Variants in PRKN observed in about 807,000 individuals in gnomAD.
The protein encoded by PRKN is parkin RBR E3 ubiquitin protein ligase.
PRKN carries 56 observed loss-of-function variants against 59.5 expected under a neutral mutation model. That is an observed-to-expected ratio of 0.94 (90% confidence interval 0.76 to 1.18). PRKN has a LOEUF of 1.18. Among genes scored for constraint, PRKN ranks in the 50% most tolerant of loss-of-function variants. PRKN has a pLI of 0.00. For missense variants in PRKN, 657 were observed against 596.4 expected (o/e 1.10, Z -1.06); for synonymous variants, 250 against 222.1 (o/e 1.13, Z -1.12).
intron 6 of PRKN, among the ~76,000 whole-genome samples, chr6:161,893,992 G>C (rs1186857410): frequency 6.6e-6 from 1 of 152,110 alleles, no homozygotes; most frequent in Non-Finnish European, 1.5e-5. Context: ...GAAGTAAAAA[G>C]CCACATTCAT....
intron 2 of PRKN, among the ~76,000 whole-genome samples, chr6:162,330,430 G>A (rs570058908): frequency 6.6e-6 from 1 of 151,564 alleles, no homozygotes; most frequent in South Asian, 2.1e-4. Flanking sequence ...TTTTATAAAA[G>A]AAAGCAAACA....
At chr6:162,462,274 T>G (rs1791214047) in intron 1 of PRKN, among the ~76,000 whole-genome samples, 1 of 152,236 alleles carries the variant, frequency 6.6e-6, no homozygotes, top group South Asian at 2.1e-4. Context: ...CATGTTTATA[T>G]TTTGAATTGA....
In PRKN at chr6:161,611,466, C is replaced by T. The variant is rs542369086; in HGVS notation, c.872-42050G>A. Among the ~76,000 whole-genome samples, 7 of 152,322 alleles carry T rather than the reference C, an allele frequency of 4.6e-5. No individual in the cohort carries two copies. The South Asian group carries it at 1.5e-3, about 32-fold the overall frequency. The stretch of plus-strand genomic sequence containing the variant: ...CTCTGTCCATTTTTGGTAATTCTCA[C>T]ACTATTTCAAACTTTTTTGTCATCA... On this transcript the variant is annotated intron_variant, in intron 7 of 11. Transcript: ENST00000366898.
intron 5 of PRKN, among the ~76,000 whole-genome samples, chr6:161,988,666 A>G (rs1781529864): frequency 6.6e-6 from 1 of 152,150 alleles, no homozygotes; most frequent in Non-Finnish European, 1.5e-5. Context: ...TATTAATAAA[A>G]TGGAAATCAT....
In PRKN at chr6:161,371,733, G is replaced by C. The variant is rs558503893; in HGVS notation, c.1168-11528C>G. Among the ~76,000 whole-genome samples the C allele has an allele frequency of 2.0e-5, 3 of 152,218 alleles. No individual in the cohort carries two copies. In the South Asian group the frequency reaches 6.2e-4, roughly 32 times the overall value. On this transcript the variant is annotated intron_variant, in intron 10 of 11. Coordinates refer to ENST00000366898, the MANE Select transcript of PRKN (RefSeq NM_004562.3). The surrounding 1 kb of genome is among the most constrained non-coding windows in gnomAD (Gnocchi z 5.5). ...GGCTCACTACAACCTCCACCTCCTG[G>C]GTTCAAGCGATTCTCATGCCTCAGC...
intron 2 of PRKN, among the ~76,000 whole-genome samples, chr6:162,267,782 C>T (rs1434265824): frequency 1.3e-5 from 2 of 152,060 alleles, no homozygotes; most frequent in East Asian, 1.9e-4. Context: ...GGAAACATAC[C>T]AGTATTAACA....
intron 3 of PRKN, among the ~76,000 whole-genome samples, chr6:162,240,452 C>T (rs7745538): frequency 0.36 from 55,241 of 151,884 alleles, 12,062 homozygotes; most frequent in East Asian, 0.78. Context: ...GAGATATTAA[C>T]GAAAAATTGC....
intron 7 of PRKN, among the ~76,000 whole-genome samples, chr6:161,779,440 CTTTTT>C (rs10683923): frequency 2.4e-5 from 1 of 41,848 alleles, no homozygotes; most frequent in Non-Finnish European, 3.9e-5. Flanking sequence ...CTTTTCTTTT[CTTTTT>C]TTTTTTTTTT....
chr6:161,363,838 T>C lies in PRKN; in HGVS notation c.1168-3633A>G, dbSNP rs1258674469. Among the ~76,000 whole-genome samples the C allele has an allele frequency of 6.6e-6, 1 of 152,122 alleles. No homozygotes were observed. Among genetic ancestry groups the C allele is most frequent in the Non-Finnish European group, 1.5e-5 (1 of 68,018 alleles). On this transcript the variant is annotated intron_variant, in intron 10 of 11. Transcript: ENST00000366898. This position sits in a 1 kb window ranked among gnomAD's most constrained non-coding sequence, Gnocchi z 4.1. ...AAAAACACAGTAATAAAAAACAGCA[T>C]TTCCCATCAACAGAAGTTCATTAAA...
chr6:162,411,291 T>A (rs1218991863), intron 2 of PRKN, among the ~76,000 whole-genome samples: 1 of 152,206 alleles, frequency 6.6e-6, no homozygotes, highest in East Asian at 1.9e-4. Context: ...AGGTATCTTC[T>A]GATAACAGTA....
chr6:162,705,558 A>G (rs939845855), intron 1 of PRKN, among the ~76,000 whole-genome samples: 2 of 152,210 alleles, frequency 1.3e-5, no homozygotes, highest in African/African-American at 4.8e-5. Context: ...GAGGACAGCC[A>G]TCAGTCATGG....
intron 2 of PRKN, among the ~76,000 whole-genome samples, chr6:162,322,302 A>G (rs1783065404): frequency 6.6e-6 from 1 of 152,090 alleles, no homozygotes; most frequent in African/African-American, 2.4e-5. Context: ...TTAAAGAAGA[A>G]AGACCTAAAT....
chr6:162,411,980 A>G (rs1334211188), intron 2 of PRKN, among the ~76,000 whole-genome samples: 6 of 152,188 alleles, frequency 3.9e-5, no homozygotes, highest in Non-Finnish European at 1.5e-5. Flanking sequence ...GAAATTTCCC[A>G]TAAAGAAAAC....
At position 161,369,839 on chromosome 6, in the gene PRKN, T is replaced by G; in HGVS notation, c.1168-9634A>C. 7.8e-6 allele frequency: 2 copies of G among 256,768 alleles called. No homozygotes were observed. The highest frequency in any genetic ancestry group is 4.6e-4 in the Middle Eastern group (1 of 2,196). The allele number at this position is 256,768 out of a possible 1,614,324, so 15.9% of individuals were successfully genotyped here. ...ATAGGAAATATATTTCATATACATA[T>G]AGAGAGAGACAGAGAGAATCAAAAT... On this transcript the variant is annotated intron_variant, in intron 10 of 11. Transcript: ENST00000366898. This position sits in a 1 kb window ranked among gnomAD's most constrained non-coding sequence, Gnocchi z 5.8.
chr6:161,824,206 G>A (rs1029970523), intron 6 of PRKN, among the ~76,000 whole-genome samples: 22 of 152,206 alleles, frequency 1.4e-4, no homozygotes, highest in Non-Finnish European at 2.5e-4. Context: ...CACCTGAAAC[G>A]TGTGGATGGA....
intron 1 of PRKN, among the ~76,000 whole-genome samples, chr6:162,645,979 A>G (rs1043883814): frequency 1.4e-5 from 2 of 141,252 alleles, no homozygotes; most frequent in Admixed American, 7.6e-5. Flanking sequence ...GGTTCATGCC[A>G]CTCTCCTGCC....
chr6:162,423,722 T>TA (rs1295973905), intron 2 of PRKN, among the ~76,000 whole-genome samples: 2 of 152,308 alleles, frequency 1.3e-5, no homozygotes, highest in East Asian at 1.9e-4. Flanking sequence ...TTCAAGACGT[T>TA]AAATCAATTC....
intron 5 of PRKN, among the ~76,000 whole-genome samples, chr6:161,990,346 G>A (rs6455787): frequency 0.56 from 84,447 of 151,976 alleles, 23,583 homozygotes; most frequent in Admixed American, 0.62. Flanking sequence ...TCAAAGCCAA[G>A]GTGACCTACC....
chr6:161,827,204 C>T (rs1408061989), intron 6 of PRKN, among the ~76,000 whole-genome samples: 1 of 152,190 alleles, frequency 6.6e-6, no homozygotes, highest in Non-Finnish European at 1.5e-5. Flanking sequence ...TCACAGTGAG[C>T]ACGAGCTATG....
Sources: gnomAD v4.1 joint callset for allele counts (sites outside exome capture counted in the v4.1 genomes callset) on GRCh38, gnomAD v4.1.1 for gene constraint, Gnocchi (gnomAD v3.1) non-coding constraint, MANE v1.5 for transcripts, NCBI Gene and HGNC (gene_info 2026-07-23, HGNC 2026-07-21) for gene names.